Variants in STAT3 observed in about 807,000 individuals in gnomAD.
STAT3 encodes the protein signal transducer and activator of transcription 3.
A neutral mutation model predicts 114.3 loss-of-function variants in STAT3; 7 were observed. The observed-to-expected ratio is 0.06, with a 90% CI of 0.03 to 0.11. The LOEUF is 0.11. STAT3 is among the 10% of genes least tolerant of loss of function. STAT3 has a pLI of 1.00. For missense variants in STAT3, 364 were observed against 960.9 expected (o/e 0.38, Z 8.21); for synonymous variants, 331 against 354.5 (o/e 0.93, Z 0.74).
intron 21 of STAT3, chr17:42,317,439 GCA>G (rs2081295999): frequency 1.6e-6 from 1 of 633,610 alleles, no homozygotes; most frequent in East Asian, 2.8e-5. Context: ...TCAGTTCTTT[GCA>G]CAAAGCTGTC....
At chr17:42,355,619 T>A (rs1236048602) in intron 1 of STAT3, among the ~76,000 whole-genome samples, 1 of 152,174 alleles carries the variant, frequency 6.6e-6, no homozygotes, top group East Asian at 1.9e-4. Flanking sequence ...AAAACAGGAA[T>A]TTCTCAGTCC....
intron 1 of STAT3, among the ~76,000 whole-genome samples, chr17:42,367,500 C>A (rs2083870537): frequency 6.6e-6 from 1 of 152,098 alleles, no homozygotes; most frequent in African/African-American, 2.4e-5. Context: ...CACAGCTGTC[C>A]CCTCTCTGCT....
At chr17:42,363,615 CTTTT>C (rs78016340) in intron 1 of STAT3, among the ~76,000 whole-genome samples, 1 of 136,076 alleles carries the variant, frequency 7.3e-6, no homozygotes. Context: ...GGATAATTTT[CTTTT>C]TTTTTTTTTT....
intron 1 of STAT3, among the ~76,000 whole-genome samples, chr17:42,385,290 C>T (rs1418958064): frequency 6.6e-6 from 1 of 152,056 alleles, no homozygotes; most frequent in African/African-American, 2.4e-5. Context: ...GGGCAGATCT[C>T]TTGAGGTCAG....
In STAT3 at chr17:42,314,004, C is replaced by T. The variant is rs530683057; in HGVS notation, c.*1741G>A. 5 of 230,840 alleles carry T rather than the reference C, an allele frequency of 2.2e-5. No homozygotes were observed. The highest frequency in any genetic ancestry group is 1.3e-3 in the Middle Eastern group (1 of 780). 14.3% of individuals were successfully genotyped at this position (230,840 alleles called of 1,614,324 possible). Reference sequence around the variant, plus strand: ...CAAGGTGGTTTTGAGTTGCCAAATCCGGCCATGCCTCTGAGTCAGAGGCAG... The same window carrying T: ...CAAGGTGGTTTTGAGTTGCCAAATCTGGCCATGCCTCTGAGTCAGAGGCAG... On this transcript the variant is annotated 3_prime_UTR_variant, in exon 24 of 24. Transcript: ENST00000264657.
chr17:42,317,392 T>C lies in STAT3; in HGVS notation c.2102-168A>G, dbSNP rs1025078714. 5 of 754,398 alleles carry C rather than the reference T, an allele frequency of 6.6e-6. No individual in the cohort carries two copies. In the African/African-American group the frequency reaches 8.7e-5, roughly 13 times the overall value. The allele number at this position is 754,398 out of a possible 1,614,324, so 46.7% of individuals were successfully genotyped here. A position where few individuals can be genotyped will look rare whatever the true frequency, so the allele number is the denominator to read the frequency against. On this transcript the variant is annotated intron_variant, in intron 21 of 23. Transcript: ENST00000264657. ...CCTCAGGGTTGTCTGCCCTCATTTA[T>C]ACTATTTGATCTCCCAGGCACTAGC...
chr17:42,371,395 G>A (rs988116007), intron 1 of STAT3, among the ~76,000 whole-genome samples: 8 of 152,088 alleles, frequency 5.3e-5, no homozygotes, highest in African/African-American at 1.9e-4. Context: ...AACAGGCGGG[G>A]CACGGTGGCT....
intron 1 of STAT3, among the ~76,000 whole-genome samples, chr17:42,367,702 T>C (rs1035932760): frequency 1.1e-4 from 16 of 152,176 alleles, no homozygotes; most frequent in African/African-American, 3.9e-4. Context: ...TCGCCCTCCA[T>C]TGTTCATATA....
chr17:42,315,321 G>A lies in STAT3; in HGVS notation c.*424C>T, dbSNP rs2081207380. The stretch of plus-strand genomic sequence containing the variant: ...GCAATGCCAGGAGTATGTAGCTATA[G>A]GTGGCCTGTGGCATTTGCTTACAGA... On this transcript the variant is annotated 3_prime_UTR_variant, in exon 24 of 24. Coordinates refer to ENST00000264657, the MANE Select transcript of STAT3 (RefSeq NM_139276.3). The A allele has an allele frequency of 5.0e-6, 2 of 401,502 alleles. No individual in the cohort carries two copies. Among genetic ancestry groups the A allele is most frequent in the South Asian group, 2.7e-5 (1 of 37,622 alleles). 24.9% of individuals were successfully genotyped at this position (401,502 alleles called of 1,614,324 possible).
At chr17:42,377,930 A>C (rs1241663041) in intron 1 of STAT3, among the ~76,000 whole-genome samples, 1 of 151,960 alleles carries the variant, frequency 6.6e-6, no homozygotes, top group Non-Finnish European at 1.5e-5. Flanking sequence ...CGTCCGTGGA[A>C]TCTATGGGGC....
intron 4 of STAT3, among the ~76,000 whole-genome samples, chr17:42,344,634 G>C (rs112327557): frequency 6.0e-5 from 9 of 150,910 alleles, no homozygotes; most frequent in African/African-American, 2.2e-4. Context: ...CAAGAGAATC[G>C]CTTGAACCTG....
At position 42,345,672 on chromosome 17, in the gene STAT3, G is replaced by C. The variant is rs770827756; in HGVS notation, c.274-15C>G. ...AGATACCTGCTCTATAAGTAGGAGA[G>C]AAAGAGAATAAAAATCAGCAGCAGA... is the stretch of plus-strand genomic sequence containing the variant. On this transcript the variant is annotated splice_polypyrimidine_tract_variant and intron_variant, in intron 3 of 23. Coordinates refer to ENST00000264657, the MANE Select transcript of STAT3 (RefSeq NM_139276.3). The C allele has an allele frequency of 1.3e-6, 2 of 1,584,492 alleles. No individual in the cohort carries two copies. The highest frequency in any genetic ancestry group is 1.7e-6 in the Non-Finnish European group (2 of 1,161,968).
At chr17:42,317,073 C>G (rs376606398) in intron 22 of STAT3, 109 bp downstream of exon 22, 71 of 1,585,310 alleles carry the variant, frequency 4.5e-5, no homozygotes, top group East Asian at 2.9e-4. Context: ...CTAAACATAG[C>G]CCAGGGGCTT....
intron 1 of STAT3, among the ~76,000 whole-genome samples, chr17:42,356,523 G>GTATATA (rs896763430): frequency 3.4e-5 from 5 of 145,136 alleles, no homozygotes; most frequent in Non-Finnish European, 6.0e-5. Context: ...TTGTGTGTGT[G>GTATATA]TATATATATA....
In STAT3 at chr17:42,324,702, A is replaced by G. The variant is rs748541433; in HGVS notation, c.1600+9T>C. On this transcript the variant is annotated intron_variant, in intron 17 of 23. Transcript: ENST00000264657. This position sits in a 1 kb window ranked among gnomAD's most constrained non-coding sequence, Gnocchi z 4.5. ...GGTGGGCGGGAGGGAGAAGGGGTGA[A>G]ATGCGGACCCAAGAGTTTCTCTGCC... 6.2e-7 allele frequency: 1 copy of G among 1,607,386 alleles called. No homozygotes were observed. Among genetic ancestry groups the G allele is most frequent in the South Asian group, 1.1e-5 (1 of 90,110 alleles).
rs762422383 is a variant in STAT3, at chr17:42,316,710, C to T, written c.2257+79G>A. 3.8e-5 allele frequency: 61 copies of T among 1,595,176 alleles called. No homozygotes were observed. The South Asian group carries it at 6.0e-4, about 16-fold the overall frequency. ...CCTACCATTCCGAGTGACCAGCTCT[C>T]GGTGTGTACATGTGAGAGCATCACA... On this transcript the variant is annotated intron_variant, in intron 23 of 23. Transcript: ENST00000264657.
At chr17:42,342,725 T>A (rs1429861462) in intron 4 of STAT3, among the ~76,000 whole-genome samples, 1 of 152,108 alleles carries the variant, frequency 6.6e-6, no homozygotes, top group Non-Finnish European at 1.5e-5. Flanking sequence ...GTGGCAGGGC[T>A]GCGGGTTCAA....
At chr17:42,322,606 G>A (rs2081527847) in intron 20 of STAT3, 112 bp from the exon 21 acceptor site, 3 of 1,186,210 alleles carry the variant, frequency 2.5e-6, no homozygotes, top group Non-Finnish European at 3.8e-6. Context: ...CCACCCTAGT[G>A]TTGAGACCCT....
intron 1 of STAT3, among the ~76,000 whole-genome samples, chr17:42,383,480 G>C (rs2084914502): frequency 6.6e-6 from 1 of 152,004 alleles, no homozygotes. Context: ...TGGGATTATA[G>C]GCATGAGCCA....
Sources: gnomAD v4.1 joint callset for allele counts (sites outside exome capture counted in the v4.1 genomes callset) on GRCh38, gnomAD v4.1.1 for gene constraint, Gnocchi (gnomAD v3.1) non-coding constraint, MANE v1.5 for transcripts, NCBI Gene and HGNC (gene_info 2026-07-23, HGNC 2026-07-21) for gene names.